NARF: variants seen among roughly 807,000 people sequenced by gnomAD.
The protein encoded by NARF is iron-only hydrogenase-like protein 2.
A neutral mutation model predicts 48.0 loss-of-function variants in NARF; 41 were observed. The ratio of observed to expected loss-of-function variants is 0.85; its 90% CI spans 0.66 to 1.11. The LOEUF (loss-of-function observed/expected upper bound fraction) is 1.11. Among genes scored for constraint, NARF ranks in the 50% least tolerant of loss-of-function variants. The pLI, the probability that NARF is intolerant of heterozygous loss-of-function variation, is 0.00. For missense variants in NARF, 613 were observed against 590.2 expected (o/e 1.04, Z -0.40); for synonymous variants, 215 against 225.5 (o/e 0.95, Z 0.42).
intron 2 of NARF, chr17:82,463,942 G>A (rs1365838661): frequency 5.0e-6 from 1 of 201,750 alleles, no homozygotes; most frequent in African/African-American, 2.3e-5. Context: ...GCACCAAAGA[G>A]GAAGGGGTCT....
chr17:82,465,530 A>G (rs575723693), intron 3 of NARF, among the ~76,000 whole-genome samples: 3 of 152,230 alleles, frequency 2.0e-5, no homozygotes, highest in African/African-American at 7.2e-5. Context: ...AGCGTTTGCC[A>G]TTCACCCCCA....
upstream of NARF, chr17:82,458,475 G>C (rs181022176): frequency 3.2e-6 from 1 of 315,414 alleles, no homozygotes; most frequent in Non-Finnish European, 5.8e-6. Context: ...ACGAGAAGCG[G>C]AAACCGGCGC....
Position 82,470,702 on chromosome 17 carries a change from G to T in NARF, c.385+1806G>T, listed in dbSNP as rs144738453. 4.0e-3 allele frequency among the ~76,000 whole-genome samples: 601 copies of T among 152,000 alleles called. 7 individuals carry two copies. The highest frequency in any genetic ancestry group is 0.017 in the Middle Eastern group (5 of 294). On this transcript the variant is annotated intron_variant, in intron 4 of 10. Transcript: ENST00000309794. ...GTAAAGATGGGGTTTCACCATGTTA[G>T]CCAGGATGGTCTCGATCTCCTGACC...
intron 5 of NARF, among the ~76,000 whole-genome samples, chr17:82,473,872 TAAATATTTTTTAAAA>T (rs1406128138): frequency 6.6e-6 from 1 of 152,146 alleles, no homozygotes; most frequent in Non-Finnish European, 1.5e-5. Flanking sequence ...ATTTTTTAAA[TAAATATTTTTTAAAA>T]GGAAAAGAAA....
chr17:82,486,299 G>A (rs535521691), intron 10 of NARF, among the ~76,000 whole-genome samples: 4 of 152,284 alleles, frequency 2.6e-5, no homozygotes, highest in Non-Finnish European at 5.9e-5. Flanking sequence ...GTCCATCTGC[G>A]CCCCTGGTGG....
At chr17:82,472,432 C>G (rs367905612) in intron 4 of NARF, 132 bp from the exon 5 acceptor site, 3 of 992,290 alleles carry the variant, frequency 3.0e-6, no homozygotes. Flanking sequence ...TGCAGTGAGC[C>G]GAGATTATGC....
At chr17:82,464,142 C>T (rs2043504128) in intron 2 of NARF, 145 bp from the exon 3 acceptor site, 1 of 1,071,686 alleles carries the variant, frequency 9.3e-7, no homozygotes, top group Non-Finnish European at 1.3e-6. Context: ...GACTGTCCTG[C>T]TTCCAGCCCC....
At chr17:82,475,712 G>A (rs2043817240) in intron 5 of NARF, among the ~76,000 whole-genome samples, 1 of 151,454 alleles carries the variant, frequency 6.6e-6, no homozygotes, top group African/African-American at 2.4e-5. Flanking sequence ...TCTCAGAAAT[G>A]CCGTCACTGA....
In NARF at chr17:82,464,354, G is replaced by A. The variant is rs759163008; in HGVS notation, c.176G>A (p.Cys59Tyr). The change falls in exon 3 of 11, where the codon TGT becomes TAT. Residue 59 changes from cysteine (C) to tyrosine (Y), a missense_variant. Physicochemically the swap from Cys to Tyr is radical, Grantham distance 194. Coordinates refer to ENST00000309794, the MANE Select transcript of NARF (RefSeq NM_012336.4). The part of the protein sequence containing the change: ...FLSDCLACDS[C>Y]MTAEEGVQLS... Reference sequence around the variant, plus strand: ...AGCGACTGCCTGGCATGTGACAGCTGTATGACTGCAGAGGAAGGAGTCCAA... The same window carrying A: ...AGCGACTGCCTGGCATGTGACAGCTATATGACTGCAGAGGAAGGAGTCCAA... 9 of 1,614,056 alleles carry A rather than the reference G, an allele frequency of 5.6e-6. No individual in the cohort carries two copies. The highest frequency in any genetic ancestry group is 1.7e-5 in the Admixed American group (1 of 59,994).
At chr17:82,486,324 T>C (rs1157551561) in intron 10 of NARF, among the ~76,000 whole-genome samples, 1 of 151,948 alleles carries the variant, frequency 6.6e-6, no homozygotes, top group Non-Finnish European at 1.5e-5. Context: ...CTGAGGACCT[T>C]TGTGCCATTG....
chr17:82,458,970 G>A, intron 1 of NARF, 140 bp downstream of exon 1: 9 of 1,218,272 alleles, frequency 7.4e-6, no homozygotes, highest in Non-Finnish European at 9.2e-6. Context: ...CCCTGGGCCC[G>A]CTCGGCGTGG....
intron 8 of NARF, chr17:82,484,239 G>A (rs78332600): frequency 0.011 from 1,711 of 160,638 alleles, 11 homozygotes; most frequent in Non-Finnish European, 0.015. Flanking sequence ...CAAGGCCCAG[G>A]GCTCCTGCTG....
In NARF at chr17:82,478,909, C is replaced by T; in HGVS notation, c.630C>T (p.Ala210=). The part of the protein sequence containing the change: ...VMGSLVKDYF[A]RQQNLSPEKI... ...GCTCTTTGGTGAAGGATTATTTCGCCAGACAGCAGGTAAGCTGACCTCTCT... is the reference window on the plus strand; with the variant it reads ...GCTCTTTGGTGAAGGATTATTTCGCTAGACAGCAGGTAAGCTGACCTCTCT... Residue 210 remains alanine (A), a synonymous_variant, in exon 6 of 11, where the codon GCC becomes GCT. Coordinates refer to ENST00000309794, the MANE Select transcript of NARF (RefSeq NM_012336.4). 1 of 1,613,622 alleles carries T rather than the reference C, an allele frequency of 6.2e-7. No individual in the cohort carries two copies. Among genetic ancestry groups the T allele is most frequent in the Non-Finnish European group, 8.5e-7 (1 of 1,179,794 alleles).
At chr17:82,487,124 C>G (rs563280812) in intron 10 of NARF, among the ~76,000 whole-genome samples, 1 of 152,314 alleles carries the variant, frequency 6.6e-6, no homozygotes, top group South Asian at 2.1e-4. Context: ...CCACCCAGTT[C>G]TAAAAGGTTG....
chr17:82,489,996 T>C lies in NARF; in HGVS notation c.*1839T>C, dbSNP rs1190767795. ...GCGCGCGCCACCGCGCCTGGCTAAT[T>C]GTATTCTTAGTTGAGACGGGTTTCG... On this transcript the variant is annotated 3_prime_UTR_variant, in exon 11 of 11. Coordinates refer to ENST00000309794, the MANE Select transcript of NARF (RefSeq NM_012336.4). The C allele has an allele frequency of 6.6e-6, 1 of 152,172 alleles. No individual in the cohort carries two copies. Among genetic ancestry groups the C allele is most frequent in the Non-Finnish European group, 1.5e-5 (1 of 68,050 alleles). 9.4% of individuals were successfully genotyped at this position (152,172 alleles called of 1,614,324 possible).
rs1416743800 is a variant in NARF, at chr17:82,481,083, AC to A, written c.643del (p.Leu215CysfsTer40). 2 of 1,613,860 alleles carry A rather than the reference AC, an allele frequency of 1.2e-6. No individual in the cohort carries two copies. The highest frequency in any genetic ancestry group is 1.7e-6 in the Non-Finnish European group (2 of 1,179,982). ...LVKDYFARQQ[N>X]LSPEKIFHVI... is the part of the protein sequence containing the mutation. ...AATATGGGTGCCCCTCTCCCACAGAACCTGTCTCCAGAGAAGATTTTCCACG... is the reference window on the plus strand; with the variant it reads ...AATATGGGTGCCCCTCTCCCACAGAACTGTCTCCAGAGAAGATTTTCCACG... On this transcript the variant is annotated frameshift_variant and splice_region_variant, in exon 7 of 11. Coordinates refer to ENST00000309794, the MANE Select transcript of NARF (RefSeq NM_012336.4). LOFTEE classifies it high-confidence loss of function.
chr17:82,464,920 C>T (rs961962146), intron 3 of NARF, among the ~76,000 whole-genome samples: 1 of 152,194 alleles, frequency 6.6e-6, no homozygotes, highest in Non-Finnish European at 1.5e-5. Context: ...ACGAGAGGTG[C>T]CACTTGTCTT....
chr17:82,481,170 C>G lies in NARF; in HGVS notation c.728C>G (p.Ala243Gly), dbSNP rs868214101. Residue 243 changes from alanine to glycine, a missense_variant, in exon 7 of 11, where the codon GCT becomes GGT. Transcript: ENST00000309794. Reference protein sequence around the residue: ...LEALQESLPPALHGSRGADCV... With the variant: ...LEALQESLPPGLHGSRGADCV... Reference sequence around the variant, plus strand: ...GCTCTTCAGGAAAGCCTTCCCCCTGCTTTGCATGGCTCCCGGGGCGCTGAC... The same window carrying G: ...GCTCTTCAGGAAAGCCTTCCCCCTGGTTTGCATGGCTCCCGGGGCGCTGAC... The G allele has an allele frequency of 9.3e-6, 15 of 1,613,994 alleles. No individual in the cohort carries two copies. The Middle Eastern group carries it at 8.2e-4, about 88-fold the overall frequency.
rs1013959210 is a variant in NARF at position 82,484,738 on chromosome 17, G to A, written c.834-75G>A. 2.7e-6 allele frequency: 4 copies of A among 1,490,268 alleles called. No individual in the cohort carries two copies. The African/African-American group carries it at 5.7e-5, about 21-fold the overall frequency. The allele number at this position is 1,490,268 out of a possible 1,614,324, so 92.3% of individuals were successfully genotyped here. A position where few individuals can be genotyped will look rare whatever the true frequency, so the allele number is the denominator to read the frequency against. On this transcript the variant is annotated intron_variant, in intron 8 of 10. Coordinates refer to ENST00000309794, the MANE Select transcript of NARF (RefSeq NM_012336.4). ...GCGAACTTGGATTGTGATGCCCTCA[G>A]GAAGTCTGGTTTCACTCTTTCTGTC...
Sources: gnomAD v4.1 joint callset for allele counts (sites outside exome capture counted in the v4.1 genomes callset) on GRCh38, gnomAD v4.1.1 for gene constraint, MANE v1.5 for transcripts, NCBI Gene and HGNC (gene_info 2026-07-23, HGNC 2026-07-21) for gene names.